GET1: variants seen among roughly 807,000 people sequenced by gnomAD.
GET1 encodes congenital heart disease 5 protein.
In GET1, 20 loss-of-function variants were observed where a neutral mutation model predicts 22.6. The observed-to-expected ratio is 0.89, with a 90% confidence interval of 0.62 to 1.29. The LOEUF (loss-of-function observed/expected upper bound fraction) is 1.29. Among genes scored for constraint, GET1 ranks in the 50% most tolerant of loss-of-function variants. The probability of loss-of-function intolerance (pLI) is 0.00; values close to 1 mark genes in which losing one functional copy is unlikely to be tolerated. For synonymous variants in GET1, 92 were observed against 83.8 expected (o/e 1.10, Z -0.53); for missense variants, 209 against 219.9 (o/e 0.95, Z 0.31).
In GET1 at chr21:39,396,918, T is replaced by C. The variant is rs1293929594; in HGVS notation, c.504T>C (p.Ile168=). Residue 168 remains isoleucine (I), a synonymous_variant, in exon 5 of 5, where the codon ATT becomes ATC. Transcript: ENST00000649170. The part of the protein sequence containing the change: ...WILVCNKVVA[I]VLHPFS Reference sequence around the variant, plus strand: ...TAGTCTGTAACAAAGTTGTCGCTATTGTGCTTCATCCGTTCAGCTGAACAG... The same window carrying C: ...TAGTCTGTAACAAAGTTGTCGCTATCGTGCTTCATCCGTTCAGCTGAACAG... 3 of 1,614,114 alleles carry C rather than the reference T, an allele frequency of 1.9e-6. No homozygotes were observed. Among genetic ancestry groups the C allele is most frequent in the Non-Finnish European group, 2.5e-6 (3 of 1,180,020 alleles).
At chr21:39,418,646 C>G (rs1186808268) in intron 1 of GET1, among the ~76,000 whole-genome samples, 1 of 152,010 alleles carries the variant, frequency 6.6e-6, no homozygotes, top group Non-Finnish European at 1.5e-5. Flanking sequence ...ATTACAGGCA[C>G]GCATCACCAT....
At chr21:39,406,979 C>T (rs962982224), downstream of GET1, among the ~76,000 whole-genome samples, 2 of 152,166 alleles carry the variant, frequency 1.3e-5, no homozygotes, top group Non-Finnish European at 2.9e-5. Context: ...GTAATTCCGG[C>T]ACTTTGGGAG....
At chr21:39,410,026 C>T (rs1197517541), downstream of GET1, 2 of 1,607,902 alleles carry the variant, frequency 1.2e-6, no homozygotes, top group African/African-American at 1.3e-5. Flanking sequence ...TTTATTCACA[C>T]AGTGAGGAAT....
downstream of GET1, chr21:39,407,832 A>G (rs1209837541): frequency 6.6e-6 from 1 of 152,268 alleles, no homozygotes; most frequent in Non-Finnish European, 1.5e-5. Flanking sequence ...AAATAAGCAG[A>G]AAATTTAAAC....
chr21:39,397,166 G>A lies in GET1; in HGVS notation c.*227G>A, dbSNP rs780241139. On this transcript the variant is annotated 3_prime_UTR_variant, in exon 5 of 5. Coordinates refer to ENST00000649170, the MANE Select transcript of GET1 (RefSeq NM_004627.6). ...TCCAGTTTATGACACGTATGTACTAGTGAACACCGTCCTCGATCTGTACGA... is the reference window on the plus strand; with the variant it reads ...TCCAGTTTATGACACGTATGTACTAATGAACACCGTCCTCGATCTGTACGA... 5 of 565,580 alleles carry A rather than the reference G, an allele frequency of 8.8e-6. No homozygotes were observed. In the Admixed American group the frequency reaches 9.7e-5, roughly 11 times the overall value. The allele number at this position is 565,580 out of a possible 1,614,324, so 35.0% of individuals were successfully genotyped here.
intron 1 of GET1, chr21:39,423,547 G>T: frequency 7.1e-7 from 1 of 1,411,148 alleles, no homozygotes; most frequent in Non-Finnish European, 9.5e-7. Context: ...ATGCAAATAT[G>T]CACATATGCA....
chr21:39,382,896 C>T lies in GET1; in HGVS notation c.102+2410C>T, dbSNP rs558012867. Among the ~76,000 whole-genome samples the T allele has an allele frequency of 3.3e-5, 5 of 152,270 alleles. No individual in the cohort carries two copies. The East Asian group carries it at 7.7e-4, about 23-fold the overall frequency. On this transcript the variant is annotated intron_variant, in intron 1 of 4. Transcript: ENST00000649170. ...GCAGTGCAGAAGGGTTCCAGTTGCT[C>T]CATATCCTTCAACATGTATTTTGTT...
At chr21:39,426,588 T>C (rs1383270701) in intron 1 of GET1, among the ~76,000 whole-genome samples, 2 of 152,238 alleles carry the variant, frequency 1.3e-5, no homozygotes, top group Admixed American at 1.3e-4. Context: ...ACTATATTTT[T>C]GCAGTGAAAT....
chr21:39,423,491 C>T, intron 1 of GET1: 5 of 1,541,950 alleles, frequency 3.2e-6, no homozygotes, highest in Non-Finnish European at 4.3e-6. Context: ...TCCTTCTGGC[C>T]TGTGTAAGCA....
At chr21:39,386,047 T>G (rs2244352) in intron 1 of GET1, 107,438 of 152,272 alleles carry the variant, frequency 0.71, 38,058 homozygotes, top group East Asian at 0.75. Context: ...GCCCTTCCTC[T>G]CAATCCGAGC....
chr21:39,412,269 C>T (rs2040217152), intron 1 of GET1, among the ~76,000 whole-genome samples: 2 of 152,174 alleles, frequency 1.3e-5, no homozygotes, highest in African/African-American at 4.8e-5. Context: ...TTTCCACCAT[C>T]TAATAGAAAG....
chr21:39,390,577 GA>G (rs780741175), intron 1 of GET1, 120 bp from the exon 2 acceptor site: 1 of 1,316,550 alleles, frequency 7.6e-7, no homozygotes, highest in Non-Finnish European at 1.0e-6. Context: ...GTCCTGCAGG[GA>G]CGCACACAAC....
At chr21:39,390,047 T>TTG (rs1267325353) in intron 1 of GET1, among the ~76,000 whole-genome samples, 2 of 150,866 alleles carry the variant, frequency 1.3e-5, no homozygotes, top group African/African-American at 4.9e-5. Context: ...TATGAGTTTT[T>TTG]TTTTTTTTTT....
intron 1 of GET1, among the ~76,000 whole-genome samples, chr21:39,382,366 C>CT (rs950245902): frequency 3.3e-5 from 5 of 152,102 alleles, no homozygotes; most frequent in African/African-American, 9.7e-5. Context: ...CATCCCAGAA[C>CT]TTTTTTTATC....
Position 39,396,921 on chromosome 21 carries a change from GC to G in GET1, c.508del (p.Leu170PhefsTer23). On this transcript the variant is annotated frameshift_variant, in exon 5 of 5. Coordinates refer to ENST00000649170, the MANE Select transcript of GET1 (RefSeq NM_004627.6). LOFTEE classifies it high-confidence loss of function. ...TCTGTAACAAAGTTGTCGCTATTGT[GC>G]TTCATCCGTTCAGCTGAACAGGAGG... ...LVCNKVVAIV[L>X]HPFS 1 of 1,613,994 alleles carries G rather than the reference GC, an allele frequency of 6.2e-7. No individual in the cohort carries two copies. Among genetic ancestry groups the G allele is most frequent in the Non-Finnish European group, 8.5e-7 (1 of 1,180,010 alleles).
chr21:39,424,236 C>T (rs1038382629), intron 1 of GET1, among the ~76,000 whole-genome samples: 18 of 152,158 alleles, frequency 1.2e-4, no homozygotes, highest in Non-Finnish European at 2.6e-4. Context: ...TGGTCTCAAA[C>T]TCCTGACCCT....
At chr21:39,419,947 T>C (rs772754675) in intron 1 of GET1, among the ~76,000 whole-genome samples, 14 of 152,178 alleles carry the variant, frequency 9.2e-5, no homozygotes, top group Non-Finnish European at 1.9e-4. Flanking sequence ...TTCAAACACA[T>C]TTTTAAGTAA....
intron 1 of GET1, chr21:39,387,739 C>A (rs1477386223): frequency 2.0e-6 from 2 of 982,818 alleles, no homozygotes; most frequent in African/African-American, 3.5e-5. Context: ...TAGGCGGCAT[C>A]ACTGGGCGGG....
downstream of GET1, among the ~76,000 whole-genome samples, chr21:39,407,414 A>G (rs1258907160): frequency 2.6e-5 from 4 of 152,220 alleles, no homozygotes; most frequent in African/African-American, 9.6e-5. Context: ...ATTTGGCAGT[A>G]TCAAGATTTT....
Sources: allele counts gnomAD v4.1 joint callset (sites outside exome capture counted in the v4.1 genomes callset), GRCh38; gene constraint gnomAD v4.1.1; transcripts MANE v1.5; gene names NCBI Gene and HGNC (gene_info 2026-07-23, HGNC 2026-07-21).